FSD1L: variants seen among roughly 807,000 people sequenced by gnomAD.
The protein encoded by FSD1L is FSD1-like protein.
Under a neutral mutation model 71.6 loss-of-function variants are expected in FSD1L, and 45 were observed. That is an observed-to-expected ratio of 0.63 (90% CI 0.49 to 0.81). FSD1L has a LOEUF of 0.81. Ranked by LOEUF, FSD1L falls within the 30% of genes least tolerant of loss-of-function variation. FSD1L has a pLI of 0.00. For missense variants in FSD1L, 561 were observed against 618.1 expected (o/e 0.91, Z 0.98); for synonymous variants, 197 against 207.2 (o/e 0.95, Z 0.42).
intron 10 of FSD1L, chr9:105,523,229 C>T (rs377694553): frequency 1.2e-6 from 2 of 1,610,806 alleles, no homozygotes; most frequent in East Asian, 4.5e-5. Context: ...CTTCCCCAGT[C>T]CACTCACCTC....
chr9:105,470,207 T>G (rs1195652377), intron 4 of FSD1L, among the ~76,000 whole-genome samples: 2 of 152,170 alleles, frequency 1.3e-5, no homozygotes, highest in Non-Finnish European at 2.9e-5. Flanking sequence ...GCATTCGACT[T>G]TTTTCTCTTT....
chr9:105,448,330 G>C lies in FSD1L; in HGVS notation c.15+95G>C, dbSNP rs1829754894. On this transcript the variant is annotated intron_variant, in intron 1 of 13. Coordinates refer to ENST00000481272, the MANE Select transcript of FSD1L (RefSeq NM_001145313.3). Reference sequence around the variant, plus strand: ...GGCCCGTGGGCTGTGGGTGCGCGGGGTGGGCCTGGCCGGGCGTCCGGGCTG... The same window carrying C: ...GGCCCGTGGGCTGTGGGTGCGCGGGCTGGGCCTGGCCGGGCGTCCGGGCTG... 3.3e-6 allele frequency: 4 copies of C among 1,195,464 alleles called. No individual in the cohort carries two copies. The East Asian group carries it at 9.6e-5, about 29-fold the overall frequency. 74.1% of individuals were successfully genotyped at this position (1,195,464 alleles called of 1,614,324 possible).
chr9:105,517,639 C>T (rs1391658621), intron 10 of FSD1L, among the ~76,000 whole-genome samples: 1 of 152,184 alleles, frequency 6.6e-6, no homozygotes, highest in Non-Finnish European at 1.5e-5. Flanking sequence ...CCAGGCCTGC[C>T]TTACAAGAGC....
At chr9:105,466,528 A>G (rs549494407) in intron 3 of FSD1L, among the ~76,000 whole-genome samples, 1 of 152,110 alleles carries the variant, frequency 6.6e-6, no homozygotes, top group East Asian at 1.9e-4. Flanking sequence ...CCCCATCTCT[A>G]CTAAAAATAC....
At chr9:105,469,998 A>T (rs1831346474) in intron 4 of FSD1L, among the ~76,000 whole-genome samples, 1 of 152,108 alleles carries the variant, frequency 6.6e-6, no homozygotes, top group Non-Finnish European at 1.5e-5. Context: ...TTTTCCTAGC[A>T]CCATTTATTG....
At chr9:105,502,250 A>G (rs1833805582) in intron 7 of FSD1L, among the ~76,000 whole-genome samples, 1 of 152,204 alleles carries the variant, frequency 6.6e-6, no homozygotes, top group South Asian at 2.1e-4. Flanking sequence ...TGGTATTGTA[A>G]TGGTAAGGAT....
intron 10 of FSD1L, chr9:105,521,704 A>G (rs1835169805): frequency 1.2e-6 from 2 of 1,613,562 alleles, no homozygotes; most frequent in Admixed American, 3.3e-5. Flanking sequence ...AGAGAAGAGG[A>G]AAATGGGACC....
At chr9:105,479,472 TA>T in intron 6 of FSD1L, 96 bp downstream of exon 6, 1 of 1,053,284 alleles carries the variant, frequency 9.5e-7, no homozygotes, top group Non-Finnish European at 1.4e-6. Flanking sequence ...TTAGTTAAGA[TA>T]AAAGTACCCA....
At position 105,448,117 on chromosome 9, in the gene FSD1L, T is replaced by C. The variant is rs1447557733; in HGVS notation, c.-104T>C. 2.5e-5 allele frequency: 32 copies of C among 1,256,786 alleles called. No individual in the cohort carries two copies. Among genetic ancestry groups the C allele is most frequent in the Non-Finnish European group, 3.5e-5 (31 of 887,860 alleles). The allele number at this position is 1,256,786 out of a possible 1,614,324, so 77.9% of individuals were successfully genotyped here. On this transcript the variant is annotated 5_prime_UTR_variant, in exon 1 of 14. Coordinates refer to ENST00000481272, the MANE Select transcript of FSD1L (RefSeq NM_001145313.3). Reference sequence around the variant, plus strand: ...GGGGCCGGGCGGTGCCGGTGCGGGCTGGGGCAGTGCAGTGAGTAGCGGTCT... The same window carrying C: ...GGGGCCGGGCGGTGCCGGTGCGGGCCGGGGCAGTGCAGTGAGTAGCGGTCT...
intron 10 of FSD1L, chr9:105,513,497 C>A: frequency 2.3e-6 from 2 of 859,250 alleles, no homozygotes; most frequent in Non-Finnish European, 3.5e-6. Context: ...AGTAATGAAT[C>A]CCCAAAAATT....
Position 105,486,888 on chromosome 9 carries a change from A to G in FSD1L, c.586+2386A>G, listed in dbSNP as rs1211725620. Among the ~76,000 whole-genome samples, 5 of 152,284 alleles carry G rather than the reference A, an allele frequency of 3.3e-5. No individual in the cohort carries two copies. In the East Asian group the frequency reaches 7.7e-4, roughly 24 times the overall value. On this transcript the variant is annotated intron_variant, in intron 7 of 13. Coordinates refer to ENST00000481272, the MANE Select transcript of FSD1L (RefSeq NM_001145313.3). ...TTCTTCCCTAGGAGCTACCAACATT[A>G]ACTAGCATGTGCTTATCTTTCTAGA...
chr9:105,443,035 C>T (rs927392640), upstream of FSD1L, among the ~76,000 whole-genome samples: 1 of 152,198 alleles, frequency 6.6e-6, no homozygotes. Flanking sequence ...CTCACAGTTG[C>T]TTTAGTTGTG....
upstream of FSD1L, chr9:105,447,789 G>C (rs1004651333): frequency 3.4e-5 from 9 of 264,294 alleles, no homozygotes; most frequent in Admixed American, 4.6e-4. Context: ...TCCAGCACCA[G>C]ATACTCTTTC....
At chr9:105,513,609 A>G in intron 10 of FSD1L, 1 of 1,533,330 alleles carries the variant, frequency 6.5e-7, no homozygotes, top group Non-Finnish European at 8.7e-7. Context: ...TGTCCATGTT[A>G]CTTCACTGAA....
chr9:105,525,250 G>C, intron 10 of FSD1L: 1 of 1,603,580 alleles, frequency 6.2e-7, no homozygotes, highest in Non-Finnish European at 8.5e-7. Context: ...TAGAGAAACT[G>C]TACCAACTTG....
intron 5 of FSD1L, among the ~76,000 whole-genome samples, chr9:105,477,758 T>G (rs1273269877): frequency 6.6e-6 from 1 of 152,252 alleles, no homozygotes; most frequent in Non-Finnish European, 1.5e-5. Context: ...TTTCTATCTC[T>G]GGTACTACAG....
At chr9:105,490,620 A>C (rs1380854886) in intron 7 of FSD1L, among the ~76,000 whole-genome samples, 1 of 144,754 alleles carries the variant, frequency 6.9e-6, no homozygotes, top group East Asian at 2.0e-4. Context: ...GTTTTCTTCT[A>C]GGGTTTTTAT....
intron 7 of FSD1L, among the ~76,000 whole-genome samples, chr9:105,485,655 T>C (rs1832498500): frequency 6.6e-6 from 1 of 151,786 alleles, no homozygotes; most frequent in African/African-American, 2.4e-5. Flanking sequence ...GTACTTTTTT[T>C]TTTTTTGAGA....
chr9:105,546,631 C>A lies in FSD1L; in HGVS notation c.*148C>A. ...ATCTTTTATCATTAAACACCTAGTA[C>A]GAAGCATTTGCAGGAACCTACTGTG... On this transcript the variant is annotated 3_prime_UTR_variant, in exon 14 of 14. Coordinates refer to ENST00000481272, the MANE Select transcript of FSD1L (RefSeq NM_001145313.3). 1.5e-6 allele frequency: 1 copy of A among 680,142 alleles called. No individual in the cohort carries two copies. The highest frequency in any genetic ancestry group is 2.2e-6 in the Non-Finnish European group (1 of 447,894). The allele number at this position is 680,142 out of a possible 1,614,324, so 42.1% of individuals were successfully genotyped here.
Sources: gnomAD v4.1 joint callset for allele counts (sites outside exome capture counted in the v4.1 genomes callset) on GRCh38, gnomAD v4.1.1 for gene constraint, MANE v1.5 for transcripts, NCBI Gene and HGNC (gene_info 2026-07-23, HGNC 2026-07-21) for gene names.